CELSR3: variants seen among roughly 807,000 people sequenced by gnomAD.
CELSR3 encodes the protein cadherin EGF LAG seven-pass G-type receptor 3, also known as EGF-like protein 1.
CELSR3 carries 73 observed loss-of-function variants against 270.0 expected under a neutral mutation model. The ratio of observed to expected loss-of-function variants is 0.27; its 90% CI spans 0.22 to 0.33. The LOEUF (loss-of-function observed/expected upper bound fraction) is 0.33. Among genes scored for constraint, CELSR3 ranks in the 10% least tolerant of loss-of-function variants. The probability of loss-of-function intolerance (pLI) is 1.00; values close to 1 mark genes in which losing one functional copy is unlikely to be tolerated. For synonymous variants in CELSR3, 1,780 were observed against 1,905.4 expected (o/e 0.93, Z 1.71); for missense variants, 3,614 against 4,533.8 (o/e 0.80, Z 5.83).
Position 48,642,383 on chromosome 3 carries a change from G to T in CELSR3, c.8640C>A (p.Asp2880Glu), listed in dbSNP as rs375754260. ...CAGCATCTCGATGGAACATGGCCAC[G>T]TCCAGGTCAGTGGGGCCAGCATGAG... Reference protein sequence around the residue: ...LQAHAGPTDLDVAMFHRDAGA... With the variant: ...LQAHAGPTDLEVAMFHRDAGA... Residue 2880 changes from aspartate (D) to glutamate (E), a missense_variant, in exon 31 of 35, where the codon GAC becomes GAA. By Grantham distance (45) the Asp-to-Glu change is conservative. Transcript: ENST00000164024. This position sits in a 1 kb window ranked among gnomAD's most constrained non-coding sequence, Gnocchi z 6.1. 1 of 1,613,176 alleles carries T rather than the reference G, an allele frequency of 6.2e-7. No individual in the cohort carries two copies. Among genetic ancestry groups the T allele is most frequent in the South Asian group, 1.1e-5 (1 of 91,074 alleles).
Position 48,662,252 on chromosome 3 carries a change from C to T in CELSR3, c.383G>A (p.Gly128Glu), listed in dbSNP as rs114401810. The change falls in exon 1 of 35, where the codon GGA (glycine) becomes GAA (glutamate). Residue 128 changes from glycine to glutamate, a missense_variant. This residue lies in a region of CELSR3 where 470 missense variants were observed against 469.7 expected (regional missense o/e 1.00). Transcript: ENST00000164024. The surrounding 1 kb of genome is among the most constrained non-coding windows in gnomAD (Gnocchi z 7.1). The part of the protein sequence containing the change: ...LGSRERETGQ[G>E]PGSVLYWRPE... ...GCGCCAGTATAACACAGACCCTGGT[C>T]CCTGTCCTGTCTCTCGTTCGCGGCT... 1.2e-6 allele frequency: 2 copies of T among 1,613,156 alleles called. No individual in the cohort carries two copies. The highest frequency in any genetic ancestry group is 1.3e-5 in the African/African-American group (1 of 75,058).
At position 48,641,604 on chromosome 3, in the gene CELSR3, A is replaced by T. The variant is rs2047027195; in HGVS notation, c.8825-80T>A. ...ACCCCTGACCCTAATGACCCTTGAAACCCTGGCTGTTCTCATTGAGCAGAG... is the reference window on the plus strand; with the variant it reads ...ACCCCTGACCCTAATGACCCTTGAATCCCTGGCTGTTCTCATTGAGCAGAG... On this transcript the variant is annotated intron_variant, in intron 32 of 34. Coordinates refer to ENST00000164024, the MANE Select transcript of CELSR3 (RefSeq NM_001407.3). The surrounding 1 kb of genome is among the most constrained non-coding windows in gnomAD (Gnocchi z 4.8). 2 of 1,113,196 alleles carry T rather than the reference A, an allele frequency of 1.8e-6. No individual in the cohort carries two copies. The highest frequency in any genetic ancestry group is 1.9e-5 in the Admixed American group (1 of 51,586). 69.0% of individuals were successfully genotyped at this position (1,113,196 alleles called of 1,614,324 possible).
At position 48,650,602 on chromosome 3, in the gene CELSR3, G is replaced by A. The variant is rs1261494622; in HGVS notation, c.6371-21C>T. The A allele has an allele frequency of 6.3e-7, 1 of 1,582,446 alleles. No individual in the cohort carries two copies. The highest frequency in any genetic ancestry group is 1.9e-5 in the Admixed American group (1 of 52,276). ...GAGCACTAGAGAGAGAAGAGGTGCT[G>A]AGCCAGGCAGTCAGGGTACAGGGCA... is the stretch of plus-strand genomic sequence containing the variant. On this transcript the variant is annotated intron_variant, in intron 15 of 34. Transcript: ENST00000164024. The surrounding 1 kb of genome is among the most constrained non-coding windows in gnomAD (Gnocchi z 5.1).
Position 48,650,415 on chromosome 3 carries a change from C to T in CELSR3, c.6472+65G>A. 2 of 1,253,156 alleles carry T rather than the reference C, an allele frequency of 1.6e-6. No homozygotes were observed. The highest frequency in any genetic ancestry group is 2.3e-6 in the Non-Finnish European group (2 of 880,456). 77.6% of individuals were successfully genotyped at this position (1,253,156 alleles called of 1,614,324 possible). On this transcript the variant is annotated intron_variant, in intron 16 of 34. Coordinates refer to ENST00000164024, the MANE Select transcript of CELSR3 (RefSeq NM_001407.3). This position sits in a 1 kb window ranked among gnomAD's most constrained non-coding sequence, Gnocchi z 5.1. Reference sequence around the variant, plus strand: ...CCACCCAATTTAGGAAAAGACATGGCTCTAGCAGTCAGAGTACAGGCCCAC... The same window carrying T: ...CCACCCAATTTAGGAAAAGACATGGTTCTAGCAGTCAGAGTACAGGCCCAC...
chr3:48,654,478 G>A lies in CELSR3; in HGVS notation c.4989-26C>T, dbSNP rs1008294007. The A allele has an allele frequency of 6.5e-7, 1 of 1,547,292 alleles. No individual in the cohort carries two copies. Among genetic ancestry groups the A allele is most frequent in the Admixed American group, 1.9e-5 (1 of 52,054 alleles). ...CTGGGGATCAGGGGTCTGGGTCATTGGTGGGACTGGGGCCAGAGTAGAGTT... is the reference window on the plus strand; with the variant it reads ...CTGGGGATCAGGGGTCTGGGTCATTAGTGGGACTGGGGCCAGAGTAGAGTT... On this transcript the variant is annotated intron_variant, in intron 6 of 34. Coordinates refer to ENST00000164024, the MANE Select transcript of CELSR3 (RefSeq NM_001407.3). This position sits in a 1 kb window ranked among gnomAD's most constrained non-coding sequence, Gnocchi z 5.4.
At position 48,661,918 on chromosome 3, in the gene CELSR3, C is replaced by T; in HGVS notation, c.717G>A (p.Ser239=). 1 of 1,612,854 alleles carries T rather than the reference C, an allele frequency of 6.2e-7. No individual in the cohort carries two copies. The highest frequency in any genetic ancestry group is 1.1e-5 in the South Asian group (1 of 91,074). The change falls in exon 1 of 35, where the codon TCG becomes TCA. Residue 239 remains serine (S), a synonymous_variant. Transcript: ENST00000164024. ...APRRNCLPGA[S]GSGPELDSAP... is the part of the protein sequence containing the mutation. ...CTGAATCCAGCTCGGGGCCAGATCC[C>T]GAGGCCCCTGGAAGACAGTTCCGCC...
rs374651619 is a variant in CELSR3, at chr3:48,640,121, G to A, written c.9464C>T (p.Thr3155Met). 2.5e-5 allele frequency: 41 copies of A among 1,611,964 alleles called. No homozygotes were observed. The highest frequency in any genetic ancestry group is 2.0e-4 in the Admixed American group (12 of 60,002). ...CCGGGTGCGGCGGGGCGGAGGCAGC[G>A]TGCTCAACCACTCTCGAGGTGCCCC... ...DLGAPREWLSTLPPPRRTRDL... is the reference protein window; with the variant it reads ...DLGAPREWLSMLPPPRRTRDL... The change falls in exon 34 of 35, where the codon ACG (threonine) becomes ATG (methionine). Residue 3155 changes from threonine to methionine, a missense_variant. This residue lies in a region of CELSR3 where 1,240 missense variants were observed against 1,351.7 expected (regional missense o/e 0.92). Transcript: ENST00000164024. This position sits in a 1 kb window ranked among gnomAD's most constrained non-coding sequence, Gnocchi z 7.5.
rs1312660539 is a variant in CELSR3, at chr3:48,641,282, C to T, written c.9025+42G>A. 1.2e-5 allele frequency: 16 copies of T among 1,317,554 alleles called. No homozygotes were observed. The highest frequency in any genetic ancestry group is 1.4e-5 in the African/African-American group (1 of 69,290). 81.6% of individuals were successfully genotyped at this position (1,317,554 alleles called of 1,614,324 possible). A position where few individuals can be genotyped will look rare whatever the true frequency, so the allele number is the denominator to read the frequency against. On this transcript the variant is annotated intron_variant, in intron 33 of 34. Transcript: ENST00000164024. This position sits in a 1 kb window ranked among gnomAD's most constrained non-coding sequence, Gnocchi z 4.8. ...CCCTTGGCTCAGGGCATGAGCAGCCCCCAGCGTGTCTGCGGTGTGGGCCAG... is the reference window on the plus strand; with the variant it reads ...CCCTTGGCTCAGGGCATGAGCAGCCTCCAGCGTGTCTGCGGTGTGGGCCAG...
intron 19 of CELSR3, 69 bp from the exon 20 acceptor site, chr3:48,648,065 T>G: frequency 6.4e-7 from 1 of 1,571,254 alleles, no homozygotes; most frequent in Non-Finnish European, 8.7e-7. Flanking sequence ...CTACTCCCTC[T>G]TACTCGCATC....
rs1166576656 is a variant in CELSR3 at position 48,646,576 on chromosome 3, G to C, written c.7295+187C>G. On this transcript the variant is annotated intron_variant, in intron 21 of 34. Transcript: ENST00000164024. The surrounding 1 kb of genome is among the most constrained non-coding windows in gnomAD (Gnocchi z 4.8). ...CCCTCCTGTGTGTGGCTCTGTGTCT[G>C]TCAGCCTGTGGCTCTGTCACTCTGC... Among the ~76,000 whole-genome samples, 1 of 152,218 alleles carries C rather than the reference G, an allele frequency of 6.6e-6. No individual in the cohort carries two copies. Among genetic ancestry groups the C allele is most frequent in the Non-Finnish European group, 1.5e-5 (1 of 68,044 alleles).
Position 48,653,880 on chromosome 3 carries a change from A to C in CELSR3, c.5276T>G (p.Leu1759Arg). 1 of 1,613,654 alleles carries C rather than the reference A, an allele frequency of 6.2e-7. No homozygotes were observed. Among genetic ancestry groups the C allele is most frequent in the Non-Finnish European group, 8.5e-7 (1 of 1,179,756 alleles). ...PVGFGGKDCQ[L>R]TMAHPHHFRG... ...TCTGCCCCATGCTGCCCACTTACTA[A>C]GCTGACAGTCTTTGCCGCCGAAGCC... is the stretch of plus-strand genomic sequence containing the variant. The change falls in exon 8 of 35, where the codon CTT (leucine) becomes CGT (arginine). Residue 1759 changes from leucine (L) to arginine (R), a missense_variant and splice_region_variant. By Grantham distance (102) the Leu-to-Arg change is moderately radical. Transcript: ENST00000164024. The surrounding 1 kb of genome is among the most constrained non-coding windows in gnomAD (Gnocchi z 6.5).
At position 48,657,096 on chromosome 3, in the gene CELSR3, G is replaced by T. The variant is rs147971075; in HGVS notation, c.4001C>A (p.Ala1334Asp). Residue 1334 changes from alanine (A) to aspartate (D), a missense_variant, in exon 2 of 35, where the codon GCT (alanine) becomes GAT (aspartate). Ala to Asp is a moderately radical substitution (Grantham distance 126). This residue lies in a region of CELSR3 where 1,331 missense variants were observed against 1,933.7 expected (regional missense o/e 0.69). Transcript: ENST00000164024. The surrounding 1 kb of genome is among the most constrained non-coding windows in gnomAD (Gnocchi z 5.4). ...AGCGCCCGCCCCGGCCCCACGTGGA[G>T]CTAGCGCCGAGAAACTCACATTGAG... ...TVLNVSFSALAPRGAGAGAAG... is the reference protein window; with the variant it reads ...TVLNVSFSALDPRGAGAGAAG... The T allele has an allele frequency of 2.9e-5, 46 of 1,613,798 alleles. No individual in the cohort carries two copies. Among genetic ancestry groups the T allele is most frequent in the Non-Finnish European group, 3.5e-5 (41 of 1,179,962 alleles).
At position 48,662,004 on chromosome 3, in the gene CELSR3, T is replaced by C. The variant is rs144379309; in HGVS notation, c.631A>G (p.Thr211Ala). 421 of 1,614,052 alleles carry C rather than the reference T, an allele frequency of 2.6e-4. 2 individuals are homozygous for C. In the South Asian group the frequency reaches 4.0e-3, roughly 15 times the overall value. ...TARCCGELWA[T>A]GSKGQGERAT... ...CTCTCGCCCTGACCCTTGCTCCCTG[T>C]TGCCCATAATTCCCCACAGCAGCGC... Residue 211 changes from threonine to alanine, a missense_variant, in exon 1 of 35, where the codon ACA (threonine) becomes GCA (alanine). Coordinates refer to ENST00000164024, the MANE Select transcript of CELSR3 (RefSeq NM_001407.3). This position sits in a 1 kb window ranked among gnomAD's most constrained non-coding sequence, Gnocchi z 7.1.
Position 48,650,423 on chromosome 3 carries a change from G to A in CELSR3, c.6472+57C>T. ...TTTAGGAAAAGACATGGCTCTAGCA[G>A]TCAGAGTACAGGCCCACCCCCACCC... On this transcript the variant is annotated intron_variant, in intron 16 of 34. Transcript: ENST00000164024. The surrounding 1 kb of genome is among the most constrained non-coding windows in gnomAD (Gnocchi z 5.1). The A allele has an allele frequency of 7.8e-7, 1 of 1,282,244 alleles. No individual in the cohort carries two copies. The allele number at this position is 1,282,244 out of a possible 1,614,324, so 79.4% of individuals were successfully genotyped here. A position where few individuals can be genotyped will look rare whatever the true frequency, so the allele number is the denominator to read the frequency against.
rs1575546843 is a variant in CELSR3 at position 48,661,552 on chromosome 3, G to A, written c.1083C>T (p.Val361=). The A allele has an allele frequency of 1.2e-6, 2 of 1,608,288 alleles. No individual in the cohort carries two copies. The highest frequency in any genetic ancestry group is 1.7e-5 in the Admixed American group (1 of 59,552). The stretch of plus-strand genomic sequence containing the variant: ...TGTTCATGAGTGCCGCCAGCGAGTA[G>A]ACTAGGCGCCCGGCCTCGCCGGCGT... The part of the protein sequence containing the change: ...DPDAGEAGRL[V]YSLAALMNSR... Residue 361 remains valine (V), a synonymous_variant, in exon 1 of 35, where the codon GTC becomes GTT. Transcript: ENST00000164024.
chr3:48,659,360 A>T lies in CELSR3; in HGVS notation c.3275T>A (p.Val1092Glu). The change falls in exon 1 of 35, where the codon GTG (valine) becomes GAG (glutamate). Residue 1092 changes from valine (V) to glutamate (E), a missense_variant. Around this residue, in one of 7 missense-constraint regions of CELSR3, gnomAD observed 1,331 missense variants for 1,933.7 expected, o/e 0.69. Coordinates refer to ENST00000164024, the MANE Select transcript of CELSR3 (RefSeq NM_001407.3). This position sits in a 1 kb window ranked among gnomAD's most constrained non-coding sequence, Gnocchi z 8.1. ...GGCATTGGGGCCTTCGTCAGGGTCC[A>T]CTGCAGTGATCTGGGCCACCACTGA... ...VGSVVAQITA[V>E]DPDEGPNAHI... 1 of 1,614,134 alleles carries T rather than the reference A, an allele frequency of 6.2e-7. No homozygotes were observed.
Position 48,640,621 on chromosome 3 carries a change from G to A in CELSR3, c.9026-62C>T, listed in dbSNP as rs946486482. 1.0e-4 allele frequency: 147 copies of A among 1,471,328 alleles called. No individual in the cohort carries two copies. Among genetic ancestry groups the A allele is most frequent in the Non-Finnish European group, 1.3e-4 (138 of 1,101,448 alleles). 91.1% of individuals were successfully genotyped at this position (1,471,328 alleles called of 1,614,324 possible). A position where few individuals can be genotyped will look rare whatever the true frequency, so the allele number is the denominator to read the frequency against. ...GGGAGGGGGAGGGCAGGCAGGAATT[G>A]CTGAGTCTAGGGGTGTGGCAGCCCT... On this transcript the variant is annotated intron_variant, in intron 33 of 34. Coordinates refer to ENST00000164024, the MANE Select transcript of CELSR3 (RefSeq NM_001407.3). This position sits in a 1 kb window ranked among gnomAD's most constrained non-coding sequence, Gnocchi z 7.5.
In CELSR3 at chr3:48,662,721, C is replaced by A. The variant is rs1363194652; in HGVS notation, c.-87G>T. ...CGCCGCTCGGGCCCCCTCCCGGGCC[C>A]CTGCCGCCGCCCCGGGCCCCCGCCC... On this transcript the variant is annotated 5_prime_UTR_variant, in exon 1 of 35. Transcript: ENST00000164024. The surrounding 1 kb of genome is among the most constrained non-coding windows in gnomAD (Gnocchi z 7.1). The A allele has an allele frequency of 8.4e-6, 4 of 473,778 alleles. No homozygotes were observed. The highest frequency in any genetic ancestry group is 4.7e-5 in the Admixed American group (1 of 21,226). 29.3% of individuals were successfully genotyped at this position (473,778 alleles called of 1,614,324 possible).
In CELSR3 at chr3:48,642,484, C is replaced by A. The variant is rs2047036506; in HGVS notation, c.8556-17G>T. 1.9e-6 allele frequency: 3 copies of A among 1,608,842 alleles called. No homozygotes were observed. Among genetic ancestry groups the A allele is most frequent in the East Asian group, 2.2e-5 (1 of 44,794 alleles). Reference sequence around the variant, plus strand: ...ACATTGTCCCTGGAAAAGCAGGAGCCCCCCCACCATGAAAGAGGGATGTGA... The same window carrying A: ...ACATTGTCCCTGGAAAAGCAGGAGCACCCCCACCATGAAAGAGGGATGTGA... On this transcript the variant is annotated splice_polypyrimidine_tract_variant and intron_variant, in intron 30 of 34. Coordinates refer to ENST00000164024, the MANE Select transcript of CELSR3 (RefSeq NM_001407.3). The surrounding 1 kb of genome is among the most constrained non-coding windows in gnomAD (Gnocchi z 6.1).
Sources: gnomAD v4.1 joint callset for allele counts (sites outside exome capture counted in the v4.1 genomes callset) on GRCh38, gnomAD v4.1.1 for gene constraint, gnomAD v4.1.1 regional missense constraint, Gnocchi (gnomAD v3.1) non-coding constraint, MANE v1.5 for transcripts, NCBI Gene and HGNC (gene_info 2026-07-23, HGNC 2026-07-21) for gene names.